PUS7: variants seen among roughly 807,000 people sequenced by gnomAD.
The protein encoded by PUS7 is pseudouridylate synthase 7 homolog.
PUS7 carries 48 observed loss-of-function variants against 79.8 expected under a neutral mutation model. The ratio of observed to expected loss-of-function variants is 0.60; its 90% confidence interval spans 0.48 to 0.76. PUS7 has a LOEUF of 0.76. PUS7 is among the 30% of genes least tolerant of loss of function. The pLI, the probability that PUS7 is intolerant of heterozygous loss-of-function variation, is 0.00. For missense variants in PUS7, 729 were observed against 797.6 expected (o/e 0.91, Z 1.04); for synonymous variants, 286 against 272.2 (o/e 1.05, Z -0.50).
chr7:105,511,341 G>A (rs73421645), intron 1 of PUS7, among the ~76,000 whole-genome samples: 3,033 of 149,268 alleles, frequency 0.02, 99 homozygotes, highest in African/African-American at 0.07. Flanking sequence ...CCCCATTCCC[G>A]TTTAAACATC....
chr7:105,495,022 G>T, intron 6 of PUS7, 120 bp downstream of exon 6: 1 of 544,076 alleles, frequency 1.8e-6, no homozygotes, highest in Non-Finnish European at 3.3e-6. Flanking sequence ...AACTATCATT[G>T]GGAGGAGCAT....
At chr7:105,519,537 G>A (rs562575146) in intron 1 of PUS7, among the ~76,000 whole-genome samples, 1 of 152,292 alleles carries the variant, frequency 6.6e-6, no homozygotes, top group East Asian at 1.9e-4. Flanking sequence ...GATGTCACCA[G>A]GCCCGGCAGA....
chr7:105,476,013 T>C (rs900067573), intron 9 of PUS7, among the ~76,000 whole-genome samples: 2 of 151,044 alleles, frequency 1.3e-5, no homozygotes, highest in Non-Finnish European at 2.9e-5. Flanking sequence ...TGATAGCACG[T>C]GTCAAAATTT....
intron 1 of PUS7, among the ~76,000 whole-genome samples, chr7:105,515,126 T>C: frequency 6.6e-6 from 1 of 152,152 alleles, no homozygotes; most frequent in East Asian, 1.9e-4. Flanking sequence ...TTAATGACCC[T>C]TGTTAGAGAG....
chr7:105,520,448 G>A (rs1194016742), intron 1 of PUS7, among the ~76,000 whole-genome samples: 3 of 117,596 alleles, frequency 2.6e-5, no homozygotes, highest in East Asian at 4.0e-4. Context: ...CCTCAAGCTG[G>A]GTGAATGCTT....
chr7:105,502,690 C>G, intron 4 of PUS7, 126 bp from the exon 5 acceptor site: 1 of 1,053,784 alleles, frequency 9.5e-7, no homozygotes, highest in East Asian at 2.5e-5. Flanking sequence ...TGCCTGCATA[C>G]GATTTCAAAA....
intron 7 of PUS7, among the ~76,000 whole-genome samples, chr7:105,485,914 C>G (rs914866418): frequency 6.6e-6 from 1 of 151,932 alleles, no homozygotes; most frequent in Non-Finnish European, 1.5e-5. Context: ...CCAGCCTTAG[C>G]CTCCTGAGAA....
At chr7:105,471,912 C>CA (rs59389623) in intron 10 of PUS7, among the ~76,000 whole-genome samples, 2,526 of 76,924 alleles carry the variant, frequency 0.033, 61 homozygotes, top group African/African-American at 0.067. Context: ...AACTCCTTAT[C>CA]AAAAAAAAAA....
chr7:105,472,584 C>T (rs818476), intron 9 of PUS7, among the ~76,000 whole-genome samples: 33,232 of 151,804 alleles, frequency 0.22, 4,948 homozygotes, highest in African/African-American at 0.42. Flanking sequence ...TAATATGATA[C>T]AGATTTGAAA....
chr7:105,465,961 C>T (rs1823626216), intron 12 of PUS7, among the ~76,000 whole-genome samples: 1 of 152,140 alleles, frequency 6.6e-6, no homozygotes, highest in Admixed American at 6.5e-5. Context: ...AGTTCCAGAG[C>T]AGCCTAGACA....
chr7:105,470,869 G>A, intron 10 of PUS7, 21 bp from the exon 11 acceptor site: 3 of 1,552,730 alleles, frequency 1.9e-6, no homozygotes, highest in Non-Finnish European at 1.8e-6. Context: ...AAAAAGCTAG[G>A]GTTAAATGAC....
intron 11 of PUS7, chr7:105,470,381 A>T (rs913418742): frequency 4.6e-6 from 1 of 217,216 alleles, no homozygotes; most frequent in African/African-American, 2.3e-5. Flanking sequence ...TGATCAAGAA[A>T]TGACTATACA....
At chr7:105,505,249 C>T (rs979059047) in intron 4 of PUS7, among the ~76,000 whole-genome samples, 3 of 152,150 alleles carry the variant, frequency 2.0e-5, no homozygotes, top group Non-Finnish European at 4.4e-5. Context: ...GTGATCCGCC[C>T]ACCTTGGCCT....
intron 1 of PUS7, among the ~76,000 whole-genome samples, chr7:105,512,115 A>G (rs529260562): frequency 9.5e-4 from 126 of 132,182 alleles, no homozygotes; most frequent in African/African-American, 3.5e-3. Flanking sequence ...ACTGCACTCC[A>G]GCCTGGGTGA....
In PUS7 at chr7:105,492,500, A is replaced by ATT. The variant is rs1159017117; in HGVS notation, c.843-885_843-884dup. ...CCACCACATCTGGCTGATTTTTTGT[A>ATT]TTTTTTTTTTTTTTTTTTTTTTTGA... is the stretch of plus-strand genomic sequence containing the variant. On this transcript the variant is annotated intron_variant, in intron 6 of 15. Coordinates refer to ENST00000469408, the MANE Select transcript of PUS7 (RefSeq NM_019042.5). Among the ~76,000 whole-genome samples the ATT allele has an allele frequency of 2.1e-3, 179 of 87,270 alleles. 11 individuals are homozygous for ATT. Among genetic ancestry groups the ATT allele is most frequent in the African/African-American group, 7.9e-3 (158 of 20,062 alleles). 57.3% of individuals were successfully genotyped at this position (87,270 alleles called of 152,430 possible). A position where few individuals can be genotyped will look rare whatever the true frequency, so the allele number is the denominator to read the frequency against.
chr7:105,457,423 G>T lies in PUS7; in HGVS notation c.*367C>A. On this transcript the variant is annotated 3_prime_UTR_variant, in exon 16 of 16. Coordinates refer to ENST00000469408, the MANE Select transcript of PUS7 (RefSeq NM_019042.5). ...GCATTTGCTCTTAAAATGCATTGTT[G>T]TATACTCCATCACAGATGTGTCAAA... 1 of 160,084 alleles carries T rather than the reference G, an allele frequency of 6.2e-6. No homozygotes were observed. The highest frequency in any genetic ancestry group is 1.4e-5 in the Non-Finnish European group (1 of 73,326). The allele number at this position is 160,084 out of a possible 1,614,324, so 9.9% of individuals were successfully genotyped here.
At chr7:105,475,973 G>A (rs567857250) in intron 9 of PUS7, among the ~76,000 whole-genome samples, 121 of 151,962 alleles carry the variant, frequency 8.0e-4, no homozygotes, top group African/African-American at 2.8e-3. Flanking sequence ...CTTATGTCAG[G>A]TAACATAAAG....
chr7:105,486,335 G>T (rs775410145), intron 7 of PUS7, among the ~76,000 whole-genome samples: 8 of 152,174 alleles, frequency 5.3e-5, no homozygotes, highest in African/African-American at 1.9e-4. Context: ...TTACAGGCGT[G>T]AGCCACCGCA....
chr7:105,489,192 C>CAAAATA (rs1824684092), intron 7 of PUS7, among the ~76,000 whole-genome samples: 1 of 120,310 alleles, frequency 8.3e-6, no homozygotes, highest in Non-Finnish European at 1.8e-5. Context: ...GAAAAAGAAA[C>CAAAATA]AAAATAAACT....
Sources: gnomAD v4.1 joint callset for allele counts (sites outside exome capture counted in the v4.1 genomes callset) on GRCh38, gnomAD v4.1.1 for gene constraint, MANE v1.5 for transcripts, NCBI Gene and HGNC (gene_info 2026-07-23, HGNC 2026-07-21) for gene names.